The following RARS2 variants were observed in gnomAD, a reference collection of about 807,000 sequenced individuals.
RARS2 encodes the protein arginyl-tRNA synthetase 2, mitochondrial, also known as probable arginine--tRNA ligase, mitochondrial.
RARS2 carries 67 observed loss-of-function variants against 88.5 expected under a neutral mutation model. That is an observed-to-expected ratio of 0.76 (90% CI 0.62 to 0.93). The LOEUF (loss-of-function observed/expected upper bound fraction) is 0.93, where lower values mean the gene tolerates loss of function less well. Ranked by LOEUF, RARS2 falls within the 40% of genes least tolerant of loss-of-function variation. The pLI is 0.00. For missense variants in RARS2, 664 were observed against 684.2 expected (o/e 0.97, Z 0.33); for synonymous variants, 239 against 230.3 (o/e 1.04, Z -0.34).
At chr6:87,546,696 C>T (rs976043384) in intron 6 of RARS2, among the ~76,000 whole-genome samples, 1 of 152,202 alleles carries the variant, frequency 6.6e-6, no homozygotes, top group African/African-American at 2.4e-5. Flanking sequence ...CCTCCAACAA[C>T]TTTGTAAACC....
At chr6:87,517,713 T>C (rs550766065) in intron 17 of RARS2, among the ~76,000 whole-genome samples, 33 of 152,292 alleles carry the variant, frequency 2.2e-4, no homozygotes, top group Middle Eastern at 6.8e-3. Flanking sequence ...TGTGTGGGTG[T>C]CTTGCCTAGC....
chr6:87,569,561 T>C lies in RARS2; in HGVS notation c.66A>G (p.Glu22=), dbSNP rs755745412. ...QLSRVLNLPP[E]NLITSISAVP... is the part of the protein sequence containing the mutation. ...CTGCAGATATTGATGTGATCAAGTT[T>C]TCTGGTGGAAGATTCAACACTCTGG... Residue 22 remains glutamate, a synonymous_variant, in exon 2 of 20, where the codon GAA becomes GAG. Transcript: ENST00000369536. 1 of 1,607,578 alleles carries C rather than the reference T, an allele frequency of 6.2e-7. No individual in the cohort carries two copies. The highest frequency in any genetic ancestry group is 8.5e-7 in the Non-Finnish European group (1 of 1,174,250).
chr6:87,557,745 T>A (rs75440350), intron 4 of RARS2, among the ~76,000 whole-genome samples: 4,573 of 152,166 alleles, frequency 0.03, 104 homozygotes, highest in Non-Finnish European at 0.045. Flanking sequence ...GACACAATTC[T>A]CTCTCAACTT....
chr6:87,555,100 A>AAAATAAATAAAT lies in RARS2; in HGVS notation c.395+296_395+307dup, dbSNP rs71018037. Reference sequence around the variant, plus strand: ...GGCGACAGAGTGAGACTCCGTCTCAAAAATAAATAAATAAATAAATAAATA... The same window carrying AAAATAAATAAAT: ...GGCGACAGAGTGAGACTCCGTCTCAAAAATAAATAAATAAATAAATAAATAAATAAATAAATA... On this transcript the variant is annotated intron_variant, in intron 5 of 19. Coordinates refer to ENST00000369536, the MANE Select transcript of RARS2 (RefSeq NM_020320.5). 9.5e-3 allele frequency among the ~76,000 whole-genome samples: 1,328 copies of AAAATAAATAAAT among 139,564 alleles called. 14 individuals carry two copies. The highest frequency in any genetic ancestry group is 0.017 in the East Asian group (83 of 4,752). The allele number at this position is 139,564 out of a possible 152,430, so 91.6% of individuals were successfully genotyped here.
intron 1 of RARS2, among the ~76,000 whole-genome samples, chr6:87,570,157 G>T (rs146337375): frequency 3.0e-4 from 45 of 152,194 alleles, no homozygotes; most frequent in Admixed American, 8.5e-4. Flanking sequence ...AGAATAGCGG[G>T]GTGGATGTGT....
intron 6 of RARS2, among the ~76,000 whole-genome samples, 197 bp downstream of exon 6, chr6:87,548,394 G>A (rs976945878): frequency 2.1e-4 from 32 of 152,108 alleles, no homozygotes; most frequent in Non-Finnish European, 2.6e-4. Context: ...TGAATCTTTT[G>A]GTTTTGAAAT....
At chr6:87,552,511 C>T (rs780200630) in intron 5 of RARS2, among the ~76,000 whole-genome samples, 5 of 152,116 alleles carry the variant, frequency 3.3e-5, no homozygotes, top group Non-Finnish European at 5.9e-5. Flanking sequence ...TTCCAGCTTT[C>T]CTTAACTGCT....
chr6:87,537,161 A>C (rs1416966832), intron 8 of RARS2, among the ~76,000 whole-genome samples: 1 of 152,274 alleles, frequency 6.6e-6, no homozygotes, highest in Non-Finnish European at 1.5e-5. Flanking sequence ...AGGCCATAAA[A>C]TCTGCTACTG....
chr6:87,549,013 A>T (rs1366124001), intron 5 of RARS2, among the ~76,000 whole-genome samples: 2 of 152,144 alleles, frequency 1.3e-5, no homozygotes, highest in African/African-American at 4.8e-5. Flanking sequence ...CAGAAGTTTG[A>T]GACTAGCCTG....
chr6:87,588,474 T>G (rs888026282), intron 1 of RARS2, among the ~76,000 whole-genome samples: 1 of 152,138 alleles, frequency 6.6e-6, no homozygotes, highest in Non-Finnish European at 1.5e-5. Flanking sequence ...TCCGTCCAAG[T>G]GATCCTCCAG....
chr6:87,560,828 C>T (rs1056898152), intron 4 of RARS2, among the ~76,000 whole-genome samples: 8 of 152,112 alleles, frequency 5.3e-5, no homozygotes, highest in Non-Finnish European at 2.9e-5. Context: ...GTGGAGGTTA[C>T]GGTAAGCAAA....
At chr6:87,577,855 C>A (rs1316208181) in intron 1 of RARS2, among the ~76,000 whole-genome samples, 1 of 152,150 alleles carries the variant, frequency 6.6e-6, no homozygotes, top group Non-Finnish European at 1.5e-5. Context: ...AAAAACACTA[C>A]GAATTGTAAT....
intron 6 of RARS2, among the ~76,000 whole-genome samples, chr6:87,547,607 C>A (rs1782967332): frequency 6.6e-6 from 1 of 151,686 alleles, no homozygotes; most frequent in Non-Finnish European, 1.5e-5. Context: ...CTATGAAGTA[C>A]TATATAGTAA....
intron 1 of RARS2, among the ~76,000 whole-genome samples, chr6:87,586,709 C>A (rs568314223): frequency 6.6e-6 from 1 of 152,246 alleles, no homozygotes; most frequent in African/African-American, 2.4e-5. Context: ...GTTACACATT[C>A]CTTCATTCCT....
chr6:87,544,145 C>A (rs1451217005), intron 7 of RARS2, among the ~76,000 whole-genome samples: 2 of 152,194 alleles, frequency 1.3e-5, no homozygotes, highest in Non-Finnish European at 2.9e-5. Flanking sequence ...ACCCTAATCA[C>A]ATATTTGCTA....
intron 2 of RARS2, among the ~76,000 whole-genome samples, chr6:87,567,914 G>A (rs1354223802): frequency 6.6e-6 from 1 of 152,154 alleles, no homozygotes; most frequent in Non-Finnish European, 1.5e-5. Flanking sequence ...TGGGATTACA[G>A]GCGCATGCCA....
intron 1 of RARS2, among the ~76,000 whole-genome samples, chr6:87,577,710 T>G (rs1170030932): frequency 1.3e-5 from 2 of 152,172 alleles, no homozygotes. Flanking sequence ...TGTTATAAAC[T>G]TTGAGTGAGA....
chr6:87,581,215 C>T (rs1422457280), intron 1 of RARS2, among the ~76,000 whole-genome samples: 1 of 152,094 alleles, frequency 6.6e-6, no homozygotes, highest in Admixed American at 6.5e-5. Flanking sequence ...TGCATAAAAA[C>T]CTAATTTTGC....
At chr6:87,588,214 T>C (rs1332062071) in intron 1 of RARS2, among the ~76,000 whole-genome samples, 2 of 152,208 alleles carry the variant, frequency 1.3e-5, no homozygotes, top group African/African-American at 4.8e-5. Context: ...GGTCCAAAAC[T>C]ACCTTCCCTG....
Sources: gnomAD v4.1 joint callset for allele counts (sites outside exome capture counted in the v4.1 genomes callset) on GRCh38, gnomAD v4.1.1 for gene constraint, MANE v1.5 for transcripts, NCBI Gene and HGNC (gene_info 2026-07-23, HGNC 2026-07-21) for gene names.